The following CACNA2D2 variants were observed in gnomAD, a reference collection of about 807,000 sequenced individuals.
CACNA2D2 encodes voltage-dependent calcium channel subunit alpha-2/delta-2.
CACNA2D2 carries 48 observed loss-of-function variants against 166.4 expected under a neutral mutation model. That is an observed-to-expected ratio of 0.29 (90% CI 0.23 to 0.37). The LOEUF (loss-of-function observed/expected upper bound fraction) is 0.37. CACNA2D2 is among the 10% of genes least tolerant of loss of function. The pLI, the probability that CACNA2D2 is intolerant of heterozygous loss-of-function variation, is 1.00. For missense variants in CACNA2D2, 1,122 were observed against 1,433.0 expected (o/e 0.78, Z 3.50); for synonymous variants, 561 against 573.7 (o/e 0.98, Z 0.32).
rs1319830525 is a variant in CACNA2D2 at position 50,364,180 on chromosome 3, A to T, written c.*486T>A. 1 of 162,376 alleles carries T rather than the reference A, an allele frequency of 6.2e-6. No individual in the cohort carries two copies. Among genetic ancestry groups the T allele is most frequent in the Admixed American group, 6.2e-5 (1 of 16,156 alleles). 10.1% of individuals were successfully genotyped at this position (162,376 alleles called of 1,614,324 possible). On this transcript the variant is annotated 3_prime_UTR_variant, in exon 38 of 38. Coordinates refer to ENST00000424201, the MANE Select transcript of CACNA2D2 (RefSeq NM_006030.4). ...GGCAGGAGCCCATGGGGGCTGCCCC[A>T]GAGCCTCTCTCCTGCTAGGATTTAA...
chr3:50,463,688 A>G (rs1363803962), intron 2 of CACNA2D2, among the ~76,000 whole-genome samples: 1 of 152,196 alleles, frequency 6.6e-6, no homozygotes, highest in East Asian at 1.9e-4. Flanking sequence ...GCCACCTCTC[A>G]CACCCTCCCT....
chr3:50,410,665 G>A (rs777356504), intron 3 of CACNA2D2, among the ~76,000 whole-genome samples: 3 of 152,188 alleles, frequency 2.0e-5, no homozygotes, highest in Non-Finnish European at 4.4e-5. Context: ...TGCCCACAAG[G>A]CCACTCCGCT....
intron 3 of CACNA2D2, among the ~76,000 whole-genome samples, chr3:50,406,318 G>A (rs940140143): frequency 1.3e-5 from 2 of 151,746 alleles, no homozygotes; most frequent in Non-Finnish European, 2.9e-5. Context: ...CTCACTGGAG[G>A]TTAAAAGAAA....
intron 2 of CACNA2D2, among the ~76,000 whole-genome samples, chr3:50,443,263 C>T (rs1708690712): frequency 6.6e-6 from 1 of 152,202 alleles, no homozygotes; most frequent in Non-Finnish European, 1.5e-5. Flanking sequence ...CCCTTGCCAC[C>T]CACCCTGGCT....
At chr3:50,413,811 C>T (rs1707142863) in intron 3 of CACNA2D2, among the ~76,000 whole-genome samples, 1 of 152,090 alleles carries the variant, frequency 6.6e-6, no homozygotes, top group African/African-American at 2.4e-5. Context: ...CGTGCCACTG[C>T]ATTCTAACTT....
At chr3:50,499,147 T>TGGGCACAGCCTGAGAGAG (rs1698851401) in intron 1 of CACNA2D2, among the ~76,000 whole-genome samples, 4 of 152,078 alleles carry the variant, frequency 2.6e-5, no homozygotes, top group Admixed American at 2.6e-4. Context: ...CTGATGTGGG[T>TGGGCACAGCCTGAGAGAG]GGGCACAGCC....
At chr3:50,424,591 G>A (rs1707719229) in intron 3 of CACNA2D2, among the ~76,000 whole-genome samples, 1 of 152,192 alleles carries the variant, frequency 6.6e-6, no homozygotes, top group South Asian at 2.1e-4. Flanking sequence ...ACCCTTTGTG[G>A]TATGCATCAC....
chr3:50,374,948 G>A (rs79686924), intron 21 of CACNA2D2, 135 bp from the exon 22 acceptor site: 15 of 736,002 alleles, frequency 2.0e-5, no homozygotes, highest in Non-Finnish European at 3.2e-5. Flanking sequence ...CCCTCTCCCC[G>A]CTTAGCTGCA....
chr3:50,411,610 A>C (rs1044114272), intron 3 of CACNA2D2, among the ~76,000 whole-genome samples: 1 of 152,232 alleles, frequency 6.6e-6, no homozygotes, highest in Admixed American at 6.5e-5. Flanking sequence ...TCATAGGGGC[A>C]CAAGGCTGGT....
intron 4 of CACNA2D2, among the ~76,000 whole-genome samples, chr3:50,389,113 C>T (rs1705758167): frequency 6.6e-6 from 1 of 152,224 alleles, no homozygotes; most frequent in Non-Finnish European, 1.5e-5. Context: ...CCCACACCCA[C>T]CACCCACCCA....
chr3:50,433,347 G>GT (rs1173966178), intron 3 of CACNA2D2, among the ~76,000 whole-genome samples: 30 of 151,146 alleles, frequency 2.0e-4, no homozygotes, highest in Non-Finnish European at 2.2e-4. Context: ...ACTTTATTCC[G>GT]TTTTTTTTGT....
At position 50,365,741 on chromosome 3, in the gene CACNA2D2, C is replaced by T. The variant is rs587759146; in HGVS notation, c.2916-53G>A. The T allele has an allele frequency of 4.4e-6, 7 of 1,606,516 alleles. No homozygotes were observed. In the Admixed American group the frequency reaches 1.2e-4, roughly 27 times the overall value. ...GTGGTCAGCAGAGGACGATGCCATG[C>T]CCTACTTCTCTTCTGAGCCCTCCCG... On this transcript the variant is annotated intron_variant, in intron 33 of 37. Transcript: ENST00000424201. The surrounding 1 kb of genome is among the most constrained non-coding windows in gnomAD (Gnocchi z 4.5).
At chr3:50,455,503 C>A (rs1709315634) in intron 2 of CACNA2D2, among the ~76,000 whole-genome samples, 1 of 152,224 alleles carries the variant, frequency 6.6e-6, no homozygotes. Flanking sequence ...TAAATAGCGA[C>A]ACTTTGGCGA....
intron 1 of CACNA2D2, among the ~76,000 whole-genome samples, chr3:50,479,751 C>A (rs1394521455): frequency 6.6e-6 from 1 of 152,218 alleles, no homozygotes; most frequent in African/African-American, 2.4e-5. Context: ...ATAAGCTGAT[C>A]AAATCCTGCC....
intron 3 of CACNA2D2, among the ~76,000 whole-genome samples, chr3:50,405,347 G>A (rs1187581552): frequency 1.4e-5 from 2 of 140,894 alleles, no homozygotes; most frequent in African/African-American, 5.3e-5. Flanking sequence ...CAGGGTCAGA[G>A]AGCAAGGGCC....
At chr3:50,488,825 G>A (rs570627726) in intron 1 of CACNA2D2, among the ~76,000 whole-genome samples, 17 of 151,614 alleles carry the variant, frequency 1.1e-4, no homozygotes, top group South Asian at 2.1e-4. Context: ...TCAGCCTCCC[G>A]AGTACCTGGG....
intron 1 of CACNA2D2, among the ~76,000 whole-genome samples, chr3:50,491,079 G>C (rs775302602): frequency 2.0e-5 from 3 of 152,188 alleles, no homozygotes; most frequent in Non-Finnish European, 4.4e-5. Flanking sequence ...GAATGAGATG[G>C]CTTCTGTTCT....
chr3:50,365,798 C>G lies in CACNA2D2; in HGVS notation c.2915+12G>C. On this transcript the variant is annotated intron_variant, in intron 33 of 37. Coordinates refer to ENST00000424201, the MANE Select transcript of CACNA2D2 (RefSeq NM_006030.4). This position sits in a 1 kb window ranked among gnomAD's most constrained non-coding sequence, Gnocchi z 4.5. ...GAGCACCTTCTCTACCCACCTCCCG[C>G]TCAGGACTCACCAGGCGGCAGCAGA... The G allele has an allele frequency of 1.2e-6, 2 of 1,613,524 alleles. No homozygotes were observed. The highest frequency in any genetic ancestry group is 1.7e-6 in the Non-Finnish European group (2 of 1,180,004).
chr3:50,399,222 G>A (rs1278108410), intron 3 of CACNA2D2, among the ~76,000 whole-genome samples: 7 of 152,204 alleles, frequency 4.6e-5, no homozygotes, highest in African/African-American at 1.4e-4. Context: ...GCCCTCACCT[G>A]GGAGTCCCTC....
Sources: allele counts gnomAD v4.1 joint callset (sites outside exome capture counted in the v4.1 genomes callset), GRCh38; gene constraint gnomAD v4.1.1; non-coding constraint Gnocchi (gnomAD v3.1); transcripts MANE v1.5; gene names NCBI Gene and HGNC (gene_info 2026-07-23, HGNC 2026-07-21).